The following EPHB2 variants were observed in gnomAD, a reference collection of about 807,000 sequenced individuals.
EPHB2 encodes EPH receptor B2, also known as ephrin type-B receptor 2.
A neutral mutation model predicts 96.4 loss-of-function variants in EPHB2; 18 were observed. The observed-to-expected ratio is 0.19, with a 90% CI of 0.13 to 0.28. The LOEUF is 0.28. Ranked by LOEUF, EPHB2 falls within the 10% of genes least tolerant of loss-of-function variation. The probability of loss-of-function intolerance (pLI) is 1.00; values close to 1 mark genes in which losing one functional copy is unlikely to be tolerated. For missense variants in EPHB2, 989 were observed against 1,355.4 expected (o/e 0.73, Z 4.25); for synonymous variants, 506 against 534.1 (o/e 0.95, Z 0.72).
At position 22,906,863 on chromosome 1, in the gene EPHB2, A is replaced by G. The variant is rs2124105595; in HGVS notation, c.2042A>G (p.Asn681Ser). The G allele has an allele frequency of 6.2e-7, 1 of 1,614,160 alleles. No individual in the cohort carries two copies. The highest frequency in any genetic ancestry group is 8.5e-7 in the Non-Finnish European group (1 of 1,180,032). ...ASIMGQFDHP[N>S]VIHLEGVVTK... ...ATCATGGGCCAGTTCGACCATCCCAACGTCATCCACCTGGAGGGTGTCGTG... is the reference window on the plus strand; with the variant it reads ...ATCATGGGCCAGTTCGACCATCCCAGCGTCATCCACCTGGAGGGTGTCGTG... The change falls in exon 11 of 16, where the codon AAC becomes AGC. Residue 681 changes from asparagine (N) to serine (S), a missense_variant. By Grantham distance (46) the Asn-to-Ser change is conservative (BLOSUM62 1). Coordinates refer to ENST00000374630, the MANE Select transcript of EPHB2 (RefSeq NM_017449.5). This position sits in a 1 kb window ranked among gnomAD's most constrained non-coding sequence, Gnocchi z 4.8.
rs184791053 is a variant in EPHB2 at position 22,889,011 on chromosome 1, C to T, written c.1429-3873C>T. 2.9e-3 allele frequency among the ~76,000 whole-genome samples: 441 copies of T among 152,016 alleles called. 3 individuals are homozygous for T. The highest frequency in any genetic ancestry group is 0.01 in the African/African-American group (416 of 41,450). The stretch of plus-strand genomic sequence containing the variant: ...CTCTACCAAAAATACAAAAATTAGC[C>T]GGGTGTGATGGTATGTGCCTGTAGT... On this transcript the variant is annotated intron_variant, in intron 6 of 15. Coordinates refer to ENST00000374630, the MANE Select transcript of EPHB2 (RefSeq NM_017449.5).
chr1:22,897,228 C>G (rs1639594551), intron 9 of EPHB2, among the ~76,000 whole-genome samples: 1 of 152,228 alleles, frequency 6.6e-6, no homozygotes, highest in Non-Finnish European at 1.5e-5. Context: ...ATAGATTCCT[C>G]TCTCCACTTG....
chr1:22,812,901 G>C lies in EPHB2; in HGVS notation c.811+27825G>C, dbSNP rs370420053. Among the ~76,000 whole-genome samples the C allele has an allele frequency of 9.9e-5, 15 of 152,188 alleles. 2 individuals are homozygous for C. The East Asian group carries it at 1.5e-3, about 16-fold the overall frequency. ...GTGGATGGACTGACAGACAGGTAAA[G>C]GGATGAGTGAATGACTACAAACCAC... On this transcript the variant is annotated intron_variant, in intron 3 of 15. Transcript: ENST00000374630.
chr1:22,863,954 C>T (rs12748866), intron 4 of EPHB2, among the ~76,000 whole-genome samples: 1,748 of 152,060 alleles, frequency 0.011, 14 homozygotes, highest in South Asian at 0.02. Flanking sequence ...TTTGAACTCC[C>T]GGGCTCAAGG....
At chr1:22,760,006 G>A (rs2148393107) in intron 1 of EPHB2, among the ~76,000 whole-genome samples, 1 of 152,228 alleles carries the variant, frequency 6.6e-6, no homozygotes, top group Non-Finnish European at 1.5e-5. Flanking sequence ...GCACTCTATG[G>A]GTTCAAGAGG....
At chr1:22,876,968 G>A (rs934988431) in intron 5 of EPHB2, among the ~76,000 whole-genome samples, 5 of 152,218 alleles carry the variant, frequency 3.3e-5, no homozygotes, top group Admixed American at 1.3e-4. Context: ...CCCCAAGGCC[G>A]CGTGGGACCT....
intron 1 of EPHB2, among the ~76,000 whole-genome samples, chr1:22,730,911 G>A (rs1197343841): frequency 6.6e-6 from 1 of 152,130 alleles, no homozygotes; most frequent in African/African-American, 2.4e-5. Context: ...CAGGGGACAG[G>A]AAGAACCATC....
intron 14 of EPHB2, among the ~76,000 whole-genome samples, chr1:22,911,310 C>G (rs1640096941): frequency 6.6e-6 from 1 of 152,156 alleles, no homozygotes; most frequent in African/African-American, 2.4e-5. Context: ...CACATGCTAA[C>G]ACAAATCCAG....
In EPHB2 at chr1:22,906,058, G is replaced by A. The variant is rs763150677; in HGVS notation, c.1837G>A (p.Ala613Thr). 1 of 1,614,206 alleles carries A rather than the reference G, an allele frequency of 6.2e-7. No individual in the cohort carries two copies. Among genetic ancestry groups the A allele is most frequent in the South Asian group, 1.1e-5 (1 of 91,082 alleles). Residue 613 changes from alanine (A) to threonine (T), a missense_variant, in exon 10 of 16, where the codon GCC (alanine) becomes ACC (threonine). Transcript: ENST00000374630. This position sits in a 1 kb window ranked among gnomAD's most constrained non-coding sequence, Gnocchi z 4.8. ...CCCCAACGAGGCAGTGCGGGAGTTTGCCAAGGAAATTGACATCTCCTGTGT... is the reference window on the plus strand; with the variant it reads ...CCCCAACGAGGCAGTGCGGGAGTTTACCAAGGAAATTGACATCTCCTGTGT... ...EDPNEAVREF[A>T]KEIDISCVKI...
At position 22,912,430 on chromosome 1, in the gene EPHB2, A is replaced by G; in HGVS notation, c.2697-14A>G. 1.2e-6 allele frequency: 2 copies of G among 1,613,368 alleles called. No homozygotes were observed. Among genetic ancestry groups the G allele is most frequent in the Non-Finnish European group, 1.7e-6 (2 of 1,179,920 alleles). Reference sequence around the variant, plus strand: ...GGTGCCCTGACCATCTCTGTCGCCCACCCCCAACCCCAGCATCAACCTGCC... The same window carrying G: ...GGTGCCCTGACCATCTCTGTCGCCCGCCCCCAACCCCAGCATCAACCTGCC... On this transcript the variant is annotated splice_polypyrimidine_tract_variant and intron_variant, in intron 14 of 15. Coordinates refer to ENST00000374630, the MANE Select transcript of EPHB2 (RefSeq NM_017449.5).
chr1:22,741,696 A>ACAAAAAAC (rs1643906621), intron 1 of EPHB2, among the ~76,000 whole-genome samples: 2 of 137,300 alleles, frequency 1.5e-5, no homozygotes, highest in African/African-American at 2.6e-5. Context: ...AAACAAAAAA[A>ACAAAAAAC]CAAAAAACCT....
In EPHB2 at chr1:22,906,954, C is replaced by T; in HGVS notation, c.2133C>T (p.Leu711=). Residue 711 remains leucine, a synonymous_variant, in exon 11 of 16, where the codon CTC becomes CTT. Coordinates refer to ENST00000374630, the MANE Select transcript of EPHB2 (RefSeq NM_017449.5). The surrounding 1 kb of genome is among the most constrained non-coding windows in gnomAD (Gnocchi z 4.8). Reference sequence around the variant, plus strand: ...AGAATGGCTCCCTGGACTCCTTTCTCCGGGTAGGGGAAGCCAAGAGGGCCA... The same window carrying T: ...AGAATGGCTCCCTGGACTCCTTTCTTCGGGTAGGGGAAGCCAAGAGGGCCA... ...FMENGSLDSF[L]RQNDGQFTVI... 1 of 1,607,402 alleles carries T rather than the reference C, an allele frequency of 6.2e-7. No homozygotes were observed. Among genetic ancestry groups the T allele is most frequent in the South Asian group, 1.1e-5 (1 of 90,544 alleles).
At chr1:22,730,233 G>A (rs535434927) in intron 1 of EPHB2, among the ~76,000 whole-genome samples, 2 of 152,350 alleles carry the variant, frequency 1.3e-5, no homozygotes, top group African/African-American at 4.8e-5. Flanking sequence ...GGGCGGAGGC[G>A]GGGGTGGCTT....
intron 2 of EPHB2, 55 bp downstream of exon 2, chr1:22,781,540 C>G: frequency 1.3e-6 from 2 of 1,578,124 alleles, no homozygotes; most frequent in South Asian, 2.2e-5. Context: ...TCAAGCCCTG[C>G]TGCAGGGCCC....
chr1:22,835,314 A>G (rs542483277), intron 3 of EPHB2, among the ~76,000 whole-genome samples: 6 of 152,102 alleles, frequency 3.9e-5, no homozygotes, highest in African/African-American at 1.4e-4. Context: ...TGGGAGATCA[A>G]TGCTACAGTG....
At chr1:22,722,713 G>A (rs1461026230) in intron 1 of EPHB2, among the ~76,000 whole-genome samples, 1 of 152,210 alleles carries the variant, frequency 6.6e-6, no homozygotes, top group Non-Finnish European at 1.5e-5. Context: ...CAGAATGAAT[G>A]AAAAGCAGCG....
In EPHB2 at chr1:22,915,946, A is replaced by G. The variant is rs1198666525; in HGVS notation, c.*2376A>G. The G allele has an allele frequency of 6.6e-6, 1 of 152,492 alleles. No individual in the cohort carries two copies. The highest frequency in any genetic ancestry group is 2.4e-5 in the African/African-American group (1 of 41,464). 9.4% of individuals were successfully genotyped at this position (152,492 alleles called of 1,614,324 possible). On this transcript the variant is annotated 3_prime_UTR_variant, in exon 16 of 16. Coordinates refer to ENST00000374630, the MANE Select transcript of EPHB2 (RefSeq NM_017449.5). ...GCCACGGTCAGAGTGAACATCCAGC[A>G]CAGCACAGCCCATCGTCTGTCACTC...
intron 6 of EPHB2, among the ~76,000 whole-genome samples, chr1:22,887,078 G>C (rs1318561481): frequency 6.6e-6 from 1 of 152,158 alleles, no homozygotes; most frequent in African/African-American, 2.4e-5. Flanking sequence ...AGGGAGGATA[G>C]AGAACAGCAG....
At position 22,920,345 on chromosome 1, in the gene EPHB2, G is replaced by A. The variant is rs1321575673; in HGVS notation, c.*6775G>A. 1 of 152,268 alleles carries A rather than the reference G, an allele frequency of 6.6e-6. No homozygotes were observed. Among genetic ancestry groups the A allele is most frequent in the East Asian group, 1.9e-4 (1 of 5,188 alleles). 9.4% of individuals were successfully genotyped at this position (152,268 alleles called of 1,614,324 possible). ...CTGCAGCAAGGAAGCTGCAGGGCCA[G>A]GAATTTGCCTTGGGAGACCCCCACT... On this transcript the variant is annotated 3_prime_UTR_variant, in exon 16 of 16. Coordinates refer to ENST00000374630, the MANE Select transcript of EPHB2 (RefSeq NM_017449.5).
Sources: allele counts gnomAD v4.1 joint callset (sites outside exome capture counted in the v4.1 genomes callset), GRCh38; gene constraint gnomAD v4.1.1; non-coding constraint Gnocchi (gnomAD v3.1); transcripts MANE v1.5; gene names NCBI Gene and HGNC (gene_info 2026-07-23, HGNC 2026-07-21).